The following KPRP variants were observed in gnomAD, a reference collection of about 807,000 sequenced individuals.
KPRP encodes the protein keratinocyte proline rich protein.
For synonymous variants in KPRP, 282 were observed against 276.9 expected (o/e 1.02, Z -0.18); for missense variants, 820 against 746.4 (o/e 1.10, Z -1.15).
upstream of KPRP, among the ~76,000 whole-genome samples, chr1:152,758,928 C>T (rs1170770719): frequency 2.0e-5 from 3 of 152,136 alleles, no homozygotes; most frequent in African/African-American, 4.8e-5. Flanking sequence ...GAATTTATTT[C>T]AAAACATTGT....
At position 152,760,632 on chromosome 1, in the gene KPRP, TC is replaced by T. The variant is rs768694679; in HGVS notation, c.1047del (p.Ile350SerfsTer21). On this transcript the variant is annotated frameshift_variant, in exon 1 of 1. Transcript: ENST00000606109. LOFTEE classifies it low-confidence loss of function (END_TRUNC). ...CACAGAGGTGTCCTGTTGAGATTCC[TC>T]CCATCAGACGCCGCTCCCAGAGCTG... 3.1e-6 allele frequency: 5 copies of T among 1,609,978 alleles called. No individual in the cohort carries two copies. In the African/African-American group the frequency reaches 5.3e-5, roughly 17 times the overall value.
chr1:152,761,085 C>T (rs750935940), exon 1 of KPRP: 2 of 1,614,046 alleles, frequency 1.2e-6, no homozygotes, highest in Non-Finnish European at 1.7e-6. Flanking sequence ...GCAGCCCCAG[C>T]CCATGCTGGG....
exon 1 of KPRP, chr1:152,760,348 A>G (rs1651072880): frequency 6.2e-7 from 1 of 1,614,036 alleles, no homozygotes; most frequent in African/African-American, 1.3e-5. Context: ...GAGCACCAGC[A>G]GATGCCTTCC....
chr1:152,759,844 C>G (rs774035847), exon 1 of KPRP: 1 of 1,614,014 alleles, frequency 6.2e-7, no homozygotes, highest in South Asian at 1.1e-5. Flanking sequence ...GGGCCAGGCT[C>G]AATGTCAGTC....
rs140912923 is a variant in KPRP at position 152,760,522 on chromosome 1, C to T, written c.934C>T (p.Arg312Cys). The change falls in exon 1 of 1, where the codon CGC becomes TGC. Residue 312 changes from arginine (R) to cysteine (C), a missense_variant. Physicochemically the swap from Arg to Cys is radical, Grantham distance 180 (BLOSUM62 -3). Coordinates refer to ENST00000606109, the Ensembl canonical transcript of KPRP. ...CATATATAACAGTCGCTGTCCTCGC[C>T]GCCCCATTTCAAGCTGCTCTCAGAG... is the stretch of plus-strand genomic sequence containing the variant. The T allele has an allele frequency of 9.7e-4, 1,561 of 1,612,282 alleles. 18 individuals are homozygous for T. In the African/African-American group the frequency reaches 0.019, roughly 19 times the overall value.
exon 1 of KPRP, chr1:152,759,960 G>A (rs4845480): frequency 1.5e-5 from 24 of 1,614,028 alleles, no homozygotes; most frequent in African/African-American, 9.3e-5. Flanking sequence ...AGTGCGAAGC[G>A]TCACAACCTG....
exon 1 of KPRP, chr1:152,759,886 T>C (rs1417682100): frequency 1.2e-6 from 2 of 1,614,024 alleles, no homozygotes; most frequent in African/African-American, 2.7e-5. Flanking sequence ...CCAGGCTGCA[T>C]CCCAATCTCA....
At chr1:152,760,614 G>C (rs73016707) in exon 1 of KPRP, 2 of 1,609,074 alleles carry the variant, frequency 1.2e-6, no homozygotes, top group African/African-American at 2.7e-5. Flanking sequence ...CCCCACAGAG[G>C]TGTCCTGTTG....
upstream of KPRP, among the ~76,000 whole-genome samples, chr1:152,758,455 C>T (rs1404729340): frequency 6.6e-6 from 1 of 152,158 alleles, no homozygotes; most frequent in Non-Finnish European, 1.5e-5. Context: ...GAACCCTCAT[C>T]AGGAGCATTT....
chr1:152,761,350 C>A (rs1211159507), exon 1 of KPRP: 1 of 1,597,208 alleles, frequency 6.3e-7, no homozygotes, highest in Non-Finnish European at 8.5e-7. Context: ...CTGAGATAAC[C>A]CTCTCTCCTG....
exon 1 of KPRP, chr1:152,761,341 T>A (rs1651126700): frequency 6.2e-7 from 1 of 1,607,304 alleles, no homozygotes; most frequent in Non-Finnish European, 8.5e-7. Context: ...GAAAGGTGAC[T>A]GAGATAACCC....
At chr1:152,761,566 A>T in exon 1 of KPRP, 2 of 593,112 alleles carry the variant, frequency 3.4e-6, no homozygotes, top group African/African-American at 1.9e-5. Flanking sequence ...TAGCCAGACC[A>T]GTCTGGCCAC....
exon 1 of KPRP, chr1:152,760,721 C>T: frequency 6.2e-7 from 1 of 1,614,070 alleles, no homozygotes; most frequent in Non-Finnish European, 8.5e-7. Flanking sequence ...GAGCCACGTC[C>T]ACTCCCAAGC....
At chr1:152,759,775 G>T (rs1350088748) in exon 1 of KPRP, 7 of 1,614,032 alleles carry the variant, frequency 4.3e-6, no homozygotes, top group African/African-American at 1.3e-5. Flanking sequence ...GTCAGACCAG[G>T]CTCCATGCCA....
At chr1:152,760,914 A>T in exon 1 of KPRP, 1 of 1,613,892 alleles carries the variant, frequency 6.2e-7, no homozygotes, top group Non-Finnish European at 8.5e-7. Flanking sequence ...CACTACGTCC[A>T]ACACCGCGGC....
exon 1 of KPRP, chr1:152,760,170 G>A (rs1651062447): frequency 6.2e-7 from 1 of 1,613,978 alleles, no homozygotes; most frequent in African/African-American, 1.3e-5. Context: ...GTGGCCCCCA[G>A]TTTCAGTCAA....
chr1:152,758,252 T>G (rs185295081), upstream of KPRP, among the ~76,000 whole-genome samples: 1 of 152,314 alleles, frequency 6.6e-6, no homozygotes, highest in East Asian at 1.9e-4. Context: ...CGAGATGAGC[T>G]AGGGCTGTGA....
chr1:152,760,896 A>T, exon 1 of KPRP: 1 of 1,614,016 alleles, frequency 6.2e-7, no homozygotes, highest in South Asian at 1.1e-5. Context: ...ATCCAGAACC[A>T]CTTCCAGCAC....
chr1:152,761,081 C>G (rs1334395444), exon 1 of KPRP: 1 of 1,613,958 alleles, frequency 6.2e-7, no homozygotes, highest in African/African-American at 1.3e-5. Context: ...TGGCGCAGCC[C>G]CAGCCCATGC....
Sources: allele counts gnomAD v4.1 joint callset (sites outside exome capture counted in the v4.1 genomes callset), GRCh38; gene constraint gnomAD v4.1.1; transcripts MANE v1.5; gene names NCBI Gene and HGNC (gene_info 2026-07-23, HGNC 2026-07-21).